Variants in EPHA3 observed in about 807,000 individuals in gnomAD.
EPHA3 encodes the protein ephrin type-A receptor 3.
A neutral mutation model predicts 107.1 loss-of-function variants in EPHA3; 42 were observed. The observed-to-expected ratio is 0.39, with a 90% CI of 0.31 to 0.51. EPHA3 has a LOEUF of 0.51. Ranked by LOEUF, EPHA3 falls within the 20% of genes least tolerant of loss-of-function variation. EPHA3 has a pLI of 0.78. For synonymous variants in EPHA3, 461 were observed against 424.8 expected, an observed-to-expected ratio of 1.09 and a Z score of -1.05; for missense variants, 1,183 against 1,211.2, an observed-to-expected ratio of 0.98 and a Z score of 0.35.
Position 89,301,688 on chromosome 3 carries a change from G to A in EPHA3, c.815-39228G>A, listed in dbSNP as rs1406718308. On this transcript the variant is annotated intron_variant, in intron 3 of 16. Transcript: ENST00000336596. ...ATTGAGAGTTAAGCATACAATATCAGAGGATACTTATTTGGAGTTGCAATC... is the reference window on the plus strand; with the variant it reads ...ATTGAGAGTTAAGCATACAATATCAAAGGATACTTATTTGGAGTTGCAATC... Among the ~76,000 whole-genome samples, 3 of 152,090 alleles carry A rather than the reference G, an allele frequency of 2.0e-5. No individual in the cohort carries two copies. The East Asian group carries it at 5.8e-4, about 29-fold the overall frequency.
intron 16 of EPHA3, among the ~76,000 whole-genome samples, chr3:89,474,046 A>G (rs1239320116): frequency 1.3e-5 from 2 of 152,162 alleles, no homozygotes; most frequent in Non-Finnish European, 2.9e-5. Flanking sequence ...ATATATAAAG[A>G]CTTTCATTGC....
chr3:89,319,502 A>G (rs983166126), intron 3 of EPHA3, among the ~76,000 whole-genome samples: 15 of 151,978 alleles, frequency 9.9e-5, no homozygotes, highest in African/African-American at 3.6e-4. Flanking sequence ...ACTATACTAA[A>G]ATAGAAGCAT....
intron 15 of EPHA3, among the ~76,000 whole-genome samples, chr3:89,466,683 T>C (rs1234261097): frequency 1.5e-5 from 2 of 131,658 alleles, no homozygotes; most frequent in African/African-American, 2.8e-5. Flanking sequence ...CTCGCCCTGC[T>C]TCGGCTCGCG....
chr3:89,345,093 T>C lies in EPHA3; in HGVS notation c.1306+3003T>C, dbSNP rs142893050. 4.9e-3 allele frequency among the ~76,000 whole-genome samples: 741 copies of C among 151,216 alleles called. 13 individuals carry two copies. The highest frequency in any genetic ancestry group is 0.017 in the African/African-American group (698 of 41,428). The stretch of plus-strand genomic sequence containing the variant: ...TTTTTTTTCTTCTGGACAAAAACAA[T>C]CATTCCACTAGTGGAATATGCATAT... On this transcript the variant is annotated intron_variant, in intron 5 of 16. Transcript: ENST00000336596.
At chr3:89,353,801 G>A (rs546964923) in intron 5 of EPHA3, among the ~76,000 whole-genome samples, 1 of 151,332 alleles carries the variant, frequency 6.6e-6, no homozygotes, top group South Asian at 2.1e-4. Flanking sequence ...GAGCTTAGAG[G>A]CCATAACAAA....
At chr3:89,202,991 C>T (rs192278576) in intron 2 of EPHA3, among the ~76,000 whole-genome samples, 4 of 152,138 alleles carry the variant, frequency 2.6e-5, no homozygotes, top group African/African-American at 9.6e-5. Context: ...CATGCCTAGG[C>T]CCTGGCAAAT....
chr3:89,390,771 A>G (rs1293397316), intron 5 of EPHA3, among the ~76,000 whole-genome samples: 9 of 148,220 alleles, frequency 6.1e-5, no homozygotes, highest in Non-Finnish European at 1.3e-4. Context: ...TTCTTGGAAG[A>G]GAAATTGAAA....
chr3:89,432,035 TC>T (rs1376392577), intron 13 of EPHA3, among the ~76,000 whole-genome samples: 1 of 152,162 alleles, frequency 6.6e-6, no homozygotes, highest in African/African-American at 2.4e-5. Context: ...GTTGCTGTAT[TC>T]TATATTGTTG....
At chr3:89,253,475 G>A (rs1238274704) in intron 3 of EPHA3, among the ~76,000 whole-genome samples, 5 of 152,092 alleles carry the variant, frequency 3.3e-5, no homozygotes, top group Non-Finnish European at 7.4e-5. Flanking sequence ...AAGCATTAGA[G>A]CACTTCTCTG....
intron 2 of EPHA3, among the ~76,000 whole-genome samples, chr3:89,158,213 T>C (rs1217160577): frequency 6.6e-6 from 1 of 152,142 alleles, no homozygotes; most frequent in Non-Finnish European, 1.5e-5. Flanking sequence ...GAAGATAAGA[T>C]TTAAACCTAA....
intron 3 of EPHA3, among the ~76,000 whole-genome samples, chr3:89,282,212 A>G (rs1353837304): frequency 6.6e-6 from 1 of 152,152 alleles, no homozygotes; most frequent in Non-Finnish European, 1.5e-5. Context: ...TATCCAACTA[A>G]TAATTTATTC....
chr3:89,393,754 T>C (rs1379648564), intron 5 of EPHA3, among the ~76,000 whole-genome samples: 12 of 151,184 alleles, frequency 7.9e-5, no homozygotes, highest in Admixed American at 6.7e-5. Flanking sequence ...ATTTGATTTT[T>C]CTAAGTATTA....
chr3:89,222,508 T>C (rs558206801), intron 3 of EPHA3, among the ~76,000 whole-genome samples: 44 of 149,098 alleles, frequency 3.0e-4, no homozygotes, highest in African/African-American at 1.0e-3. Flanking sequence ...TATATAAATA[T>C]ATATAAATAT....
intron 3 of EPHA3, among the ~76,000 whole-genome samples, chr3:89,246,230 C>A (rs540508061): frequency 1.3e-5 from 2 of 152,000 alleles, no homozygotes; most frequent in Non-Finnish European, 1.5e-5. Flanking sequence ...ACTTCCAGTG[C>A]AGTATGGAAA....
chr3:89,308,234 C>G (rs1474953532), intron 3 of EPHA3, among the ~76,000 whole-genome samples: 1 of 152,086 alleles, frequency 6.6e-6, no homozygotes. Flanking sequence ...AAATCCTACA[C>G]ATGAAAAGTA....
chr3:89,238,719 AT>A (rs1397785889), intron 3 of EPHA3, among the ~76,000 whole-genome samples: 1 of 152,162 alleles, frequency 6.6e-6, no homozygotes, highest in African/African-American at 2.4e-5. Context: ...AATTGATCTT[AT>A]TTTCTTTAGA....
At chr3:89,443,789 A>G (rs1048128912) in intron 13 of EPHA3, among the ~76,000 whole-genome samples, 4 of 152,178 alleles carry the variant, frequency 2.6e-5, no homozygotes, top group Non-Finnish European at 4.4e-5. Context: ...AGGCAGGATA[A>G]TAAAGCAGTA....
chr3:89,181,970 G>T (rs1231987298), intron 2 of EPHA3, among the ~76,000 whole-genome samples: 1 of 151,608 alleles, frequency 6.6e-6, no homozygotes, highest in East Asian at 1.9e-4. Context: ...GCAACAGTGA[G>T]CACTTTAGAT....
chr3:89,207,106 T>C (rs1288891485), intron 2 of EPHA3, among the ~76,000 whole-genome samples: 2 of 152,200 alleles, frequency 1.3e-5, no homozygotes, highest in African/African-American at 4.8e-5. Context: ...TAAACTGTGA[T>C]TGTCACAACA....
Sources: allele counts gnomAD v4.1 joint callset (sites outside exome capture counted in the v4.1 genomes callset), GRCh38; gene constraint gnomAD v4.1.1; transcripts MANE v1.5; gene names NCBI Gene and HGNC (gene_info 2026-07-23, HGNC 2026-07-21).